RAB10: variants seen among roughly 807,000 people sequenced by gnomAD.
The protein encoded by RAB10 is ras-related protein Rab-10.
In RAB10, 5 loss-of-function variants were observed where a neutral mutation model predicts 25.7. That is an observed-to-expected ratio of 0.19 (90% confidence interval 0.10 to 0.41). The LOEUF (loss-of-function observed/expected upper bound fraction) is 0.41, where lower values mean the gene tolerates loss of function less well. Among genes scored for constraint, RAB10 ranks in the 10% least tolerant of loss-of-function variants. The pLI, the probability that RAB10 is intolerant of heterozygous loss-of-function variation, is 1.00. For synonymous variants in RAB10, 89 were observed against 86.4 expected (o/e 1.03, Z -0.16); for missense variants, 103 against 245.8 (o/e 0.42, Z 3.89).
chr2:26,034,002 C>A (rs1026801324), upstream of RAB10: 1 of 398,806 alleles, frequency 2.5e-6, no homozygotes, highest in Admixed American at 4.4e-5. Context: ...TCGGCGCGCC[C>A]CCATGCCCTC....
intron 1 of RAB10, among the ~76,000 whole-genome samples, chr2:26,035,210 G>T (rs537506457): frequency 9.2e-5 from 14 of 152,244 alleles, no homozygotes; most frequent in African/African-American, 3.4e-4. Context: ...GAATAATTAA[G>T]GTAAATTAGA....
chr2:26,072,333 T>G (rs759451920), intron 1 of RAB10, among the ~76,000 whole-genome samples: 1 of 152,118 alleles, frequency 6.6e-6, no homozygotes, highest in Non-Finnish European at 1.5e-5. Flanking sequence ...GGAAAATCAC[T>G]TGAACACGGG....
Position 26,078,397 on chromosome 2 carries a change from A to G in RAB10, c.128-20265A>G, listed in dbSNP as rs1326453882. 1.3e-5 allele frequency among the ~76,000 whole-genome samples: 2 copies of G among 152,196 alleles called. 1 individual carries two copies. The highest frequency in any genetic ancestry group is 4.1e-4 in the South Asian group (2 of 4,834). ...AAAAAGAAAAAGTTGGAAGCCTCAA[A>G]TTTCCTGATTTCAGTGCTTAAAAGA... On this transcript the variant is annotated intron_variant, in intron 1 of 5. Coordinates refer to ENST00000264710, the MANE Select transcript of RAB10 (RefSeq NM_016131.5).
chr2:26,122,305 C>T (rs1667820788), intron 3 of RAB10, among the ~76,000 whole-genome samples: 1 of 152,118 alleles, frequency 6.6e-6, no homozygotes, highest in Non-Finnish European at 1.5e-5. Context: ...AAATGCAGCT[C>T]TTATGTGGGT....
chr2:26,080,145 C>T lies in RAB10; in HGVS notation c.128-18517C>T, dbSNP rs116374504. Among the ~76,000 whole-genome samples, 1,324 of 152,116 alleles carry T rather than the reference C, an allele frequency of 8.7e-3. 26 individuals carry two copies. Among genetic ancestry groups the T allele is most frequent in the African/African-American group, 0.03 (1,263 of 41,482 alleles). ...CTGGCTTGAAGGAGCTGTTAATGGC[C>T]AGAGCTGGAATGAAATAATGGTAGT... On this transcript the variant is annotated intron_variant, in intron 1 of 5. Transcript: ENST00000264710.
intron 1 of RAB10, among the ~76,000 whole-genome samples, chr2:26,045,500 A>G (rs571757353): frequency 5.5e-4 from 83 of 152,148 alleles, no homozygotes; most frequent in Admixed American, 4.2e-3. Flanking sequence ...CTGCCTCCCA[A>G]AGTGCTGGGA....
chr2:26,134,828 T>A, intron 5 of RAB10, 110 bp from the exon 6 acceptor site: 1 of 790,286 alleles, frequency 1.3e-6, no homozygotes, highest in Non-Finnish European at 2.0e-6. Flanking sequence ...CTCCTGTGAT[T>A]GTAGTTGTAT....
At chr2:26,092,310 TGTGTGTGTGTG>T (rs1667126896) in intron 1 of RAB10, among the ~76,000 whole-genome samples, 1 of 55,956 alleles carries the variant, frequency 1.8e-5, no homozygotes, top group Non-Finnish European at 3.9e-5. Flanking sequence ...TGTGTGTGTG[TGTGTGTGTGTG>T]TTGGGGTGGT....
intron 1 of RAB10, among the ~76,000 whole-genome samples, chr2:26,067,565 A>G (rs985207408): frequency 6.6e-6 from 1 of 152,210 alleles, no homozygotes; most frequent in African/African-American, 2.4e-5. Context: ...GCAACTGTCA[A>G]CACCTGAAGG....
In RAB10 at chr2:26,067,053, AT is replaced by A. The variant is rs1025127920; in HGVS notation, c.128-31607del. Among the ~76,000 whole-genome samples, 47 of 152,142 alleles carry A rather than the reference AT, an allele frequency of 3.1e-4. 1 individual carries two copies. The highest frequency in any genetic ancestry group is 4.1e-4 in the South Asian group (2 of 4,822). On this transcript the variant is annotated intron_variant, in intron 1 of 5. Transcript: ENST00000264710. ...TGCCTCAGCCTCCCAAAGTGCTGGG[AT>A]TATAGGTGTGAGCCACCATGCCGCT...
Position 26,086,757 on chromosome 2 carries a change from A to G in RAB10, c.128-11905A>G, listed in dbSNP as rs189342022. 5.3e-5 allele frequency among the ~76,000 whole-genome samples: 8 copies of G among 152,368 alleles called. No individual in the cohort carries two copies. The East Asian group carries it at 1.5e-3, about 29-fold the overall frequency. On this transcript the variant is annotated intron_variant, in intron 1 of 5. Coordinates refer to ENST00000264710, the MANE Select transcript of RAB10 (RefSeq NM_016131.5). Reference sequence around the variant, plus strand: ...CCATCAGGAGATGATTGGATAGACAAATTATGGTGTACGCATACAGTGGAG... The same window carrying G: ...CCATCAGGAGATGATTGGATAGACAGATTATGGTGTACGCATACAGTGGAG...
Position 26,119,099 on chromosome 2 carries a change from A to G in RAB10, c.328-8045A>G, listed in dbSNP as rs1159715753. Among the ~76,000 whole-genome samples, 5 of 152,176 alleles carry G rather than the reference A, an allele frequency of 3.3e-5. No individual in the cohort carries two copies. In the East Asian group the frequency reaches 9.6e-4, roughly 29 times the overall value. On this transcript the variant is annotated intron_variant, in intron 3 of 5. Coordinates refer to ENST00000264710, the MANE Select transcript of RAB10 (RefSeq NM_016131.5). ...ATCATGCTTGCTGCTTATTGTTAGTAAGATCATCCAAGTAAGGATGTATAG... is the reference window on the plus strand; with the variant it reads ...ATCATGCTTGCTGCTTATTGTTAGTGAGATCATCCAAGTAAGGATGTATAG...
intron 1 of RAB10, among the ~76,000 whole-genome samples, chr2:26,098,224 G>C (rs1667269021): frequency 6.8e-6 from 1 of 146,636 alleles, no homozygotes; most frequent in Non-Finnish European, 1.5e-5. Flanking sequence ...GGGTTCAAGG[G>C]ATTCTTCCAC....
chr2:26,089,422 CAAAAAA>C (rs11315031), intron 1 of RAB10, among the ~76,000 whole-genome samples: 2 of 128,476 alleles, frequency 1.6e-5, no homozygotes, highest in Non-Finnish European at 3.4e-5. Flanking sequence ...GACTCTGTCT[CAAAAAA>C]AAAAAAAAAA....
At chr2:26,131,402 C>G (rs1244130939) in intron 5 of RAB10, among the ~76,000 whole-genome samples, 1 of 152,098 alleles carries the variant, frequency 6.6e-6, no homozygotes, top group East Asian at 1.9e-4. Flanking sequence ...AGTAAGCAGG[C>G]CCAAATACTA....
At chr2:26,122,029 C>T (rs1292218160) in intron 3 of RAB10, among the ~76,000 whole-genome samples, 15 of 152,088 alleles carry the variant, frequency 9.9e-5, no homozygotes, top group Admixed American at 9.8e-4. Flanking sequence ...TGAATAACAC[C>T]ATCAGACCTA....
In RAB10 at chr2:26,043,666, A is replaced by T. The variant is rs557886213; in HGVS notation, c.127+8931A>T. 3.9e-5 allele frequency among the ~76,000 whole-genome samples: 6 copies of T among 152,350 alleles called. No individual in the cohort carries two copies. The East Asian group carries it at 1.2e-3, about 29-fold the overall frequency. On this transcript the variant is annotated intron_variant, in intron 1 of 5. Coordinates refer to ENST00000264710, the MANE Select transcript of RAB10 (RefSeq NM_016131.5). ...TTACTAAGTAAAATGAGTTGGACAC[A>T]AAAGGACAAATAATGTGTGAGGTAC...
intron 1 of RAB10, among the ~76,000 whole-genome samples, chr2:26,087,700 C>G (rs1242081167): frequency 6.6e-6 from 1 of 152,148 alleles, no homozygotes; most frequent in South Asian, 2.1e-4. Context: ...CCACGCCCAG[C>G]CTTTCTGCTG....
chr2:26,103,414 G>A (rs1667385575), intron 2 of RAB10, among the ~76,000 whole-genome samples: 1 of 152,186 alleles, frequency 6.6e-6, no homozygotes, highest in African/African-American at 2.4e-5. Context: ...GGGGAAAAGA[G>A]TACCTCAAAA....
Sources: gnomAD v4.1 joint callset for allele counts (sites outside exome capture counted in the v4.1 genomes callset) on GRCh38, gnomAD v4.1.1 for gene constraint, MANE v1.5 for transcripts, NCBI Gene and HGNC (gene_info 2026-07-23, HGNC 2026-07-21) for gene names.